Variants in FAM3B observed in about 807,000 individuals in gnomAD.
The protein encoded by FAM3B is FAM3 metabolism regulating signaling molecule B, also known as protein FAM3B.
FAM3B carries 29 observed loss-of-function variants against 28.4 expected under a neutral mutation model. The observed-to-expected ratio is 1.02, with a 90% confidence interval of 0.76 to 1.39. The LOEUF (loss-of-function observed/expected upper bound fraction) is 1.39. Ranked by LOEUF, FAM3B falls within the 40% of genes most tolerant of loss-of-function variation. FAM3B has a pLI of 0.00. For missense variants in FAM3B, 266 were observed against 293.9 expected, an observed-to-expected ratio of 0.91 and a Z score of 0.69; for synonymous variants, 91 against 103.0, an observed-to-expected ratio of 0.88 and a Z score of 0.71.
chr21:41,314,015 A>AAAAAC (rs1361683356), upstream of FAM3B, among the ~76,000 whole-genome samples: 2 of 152,364 alleles, frequency 1.3e-5, no homozygotes, highest in Admixed American at 1.3e-4. Flanking sequence ...AAACAAAAAC[A>AAAAAC]AAAACATTCA....
At chr21:41,309,724 C>G (rs2123683788) in intron 1 of FAM3B, among the ~76,000 whole-genome samples, 1 of 152,342 alleles carries the variant, frequency 6.6e-6, no homozygotes, top group African/African-American at 2.4e-5. Context: ...GCAGAACCAA[C>G]AAGACCAGTT....
At chr21:41,352,483 A>G (rs1415314592) in intron 7 of FAM3B, among the ~76,000 whole-genome samples, 1 of 152,106 alleles carries the variant, frequency 6.6e-6, no homozygotes, top group African/African-American at 2.4e-5. Context: ...GGGAAGGTGC[A>G]TTATCACATT....
chr21:41,311,288 ATATATATATG>A (rs2088712605), intron 1 of FAM3B, among the ~76,000 whole-genome samples: 1 of 103,702 alleles, frequency 9.6e-6, no homozygotes, highest in Admixed American at 1.0e-4. Flanking sequence ...ATATATATAT[ATATATATATG>A]TATATATACA....
chr21:41,313,800 T>TTTGTTG (rs71332324), upstream of FAM3B, among the ~76,000 whole-genome samples: 306 of 151,148 alleles, frequency 2.0e-3, no homozygotes, highest in African/African-American at 7.2e-3. Context: ...GTGGGGCATT[T>TTTGTTG]TTGTTGTTGT....
At chr21:41,324,634 A>G (rs1352838650) in intron 2 of FAM3B, among the ~76,000 whole-genome samples, 1 of 152,214 alleles carries the variant, frequency 6.6e-6, no homozygotes, top group African/African-American at 2.4e-5. Context: ...TTAATTCAGC[A>G]GGTATATTTA....
At chr21:41,352,519 G>A (rs1386973847) in intron 7 of FAM3B, among the ~76,000 whole-genome samples, 1 of 152,134 alleles carries the variant, frequency 6.6e-6, no homozygotes, top group Admixed American at 6.6e-5. Context: ...CTTAGGCCAG[G>A]CGCAGTGGCT....
intron 1 of FAM3B, among the ~76,000 whole-genome samples, chr21:41,322,196 C>G (rs73226113): frequency 4.6e-5 from 7 of 152,084 alleles, no homozygotes; most frequent in African/African-American, 9.6e-5. Context: ...AGCCACCCCC[C>G]AGGCCTCTGG....
chr21:41,310,327 G>C (rs1184359689), intron 1 of FAM3B, among the ~76,000 whole-genome samples: 1 of 152,050 alleles, frequency 6.6e-6, no homozygotes, highest in Non-Finnish European at 1.5e-5. Flanking sequence ...TGGGGTCACT[G>C]TCTGTCCTCT....
chr21:41,308,909 T>C (rs1466180946), intron 1 of FAM3B, among the ~76,000 whole-genome samples: 1 of 152,152 alleles, frequency 6.6e-6, no homozygotes, highest in African/African-American at 2.4e-5. Context: ...TCACACAGAC[T>C]CTGGGAGGTC....
intron 1 of FAM3B, among the ~76,000 whole-genome samples, chr21:41,305,241 G>A (rs924230996): frequency 5.3e-5 from 8 of 152,088 alleles, no homozygotes; most frequent in African/African-American, 1.9e-4. Context: ...AGTGGGGTTG[G>A]TGCGGGTTCC....
intron 2 of FAM3B, among the ~76,000 whole-genome samples, chr21:41,334,905 T>G (rs2088940190): frequency 6.6e-6 from 1 of 152,222 alleles, no homozygotes; most frequent in Non-Finnish European, 1.5e-5. Flanking sequence ...CCCAAGGCCT[T>G]GAGAGTCCAC....
chr21:41,337,346 G>T (rs2088964494), intron 2 of FAM3B, among the ~76,000 whole-genome samples: 1 of 152,234 alleles, frequency 6.6e-6, no homozygotes, highest in Non-Finnish European at 1.5e-5. Context: ...ATCTGAGTGG[G>T]ATCAGTAGTG....
intron 1 of FAM3B, among the ~76,000 whole-genome samples, chr21:41,311,247 AAAAAATATATATATAT>A (rs2088709524): frequency 4.7e-5 from 3 of 63,448 alleles, no homozygotes; most frequent in South Asian, 6.1e-4. Flanking sequence ...AAAAAAAAAA[AAAAAATATATATATAT>A]ATATATATAT....
At chr21:41,340,668 A>G (rs990575053) in intron 3 of FAM3B, among the ~76,000 whole-genome samples, 22 of 152,280 alleles carry the variant, frequency 1.4e-4, no homozygotes, top group African/African-American at 4.8e-4. Flanking sequence ...CATTGAATTA[A>G]TTTCCATTTG....
intron 1 of FAM3B, 120 bp downstream of exon 1, chr21:41,317,018 C>A: frequency 1.1e-6 from 1 of 922,192 alleles, no homozygotes; most frequent in South Asian, 4.5e-5. Flanking sequence ...AGGGCTGGTT[C>A]TTGGCGCCGA....
At chr21:41,345,982 G>C in intron 5 of FAM3B, 1 of 342,556 alleles carries the variant, frequency 2.9e-6, no homozygotes, top group Non-Finnish European at 5.3e-6. Flanking sequence ...TCTCTTTTTA[G>C]CTCTCATGAT....
At chr21:41,340,408 TC>T (rs1435769338) in intron 3 of FAM3B, among the ~76,000 whole-genome samples, 3 of 152,114 alleles carry the variant, frequency 2.0e-5, no homozygotes, top group African/African-American at 7.2e-5. Flanking sequence ...TGCCTCAGGC[TC>T]CCAAAGTGCT....
intron 6 of FAM3B, among the ~76,000 whole-genome samples, chr21:41,347,948 G>GA (rs2089079817): frequency 6.6e-6 from 1 of 152,094 alleles, no homozygotes; most frequent in Admixed American, 6.6e-5. Flanking sequence ...CAGGGCTACT[G>GA]ACCACAGCAT....
intron 7 of FAM3B, among the ~76,000 whole-genome samples, chr21:41,351,055 T>C (rs1470611920): frequency 3.3e-5 from 5 of 152,198 alleles, no homozygotes; most frequent in Non-Finnish European, 5.9e-5. Flanking sequence ...TTTATGAGAG[T>C]GTCCAGACTG....
Sources: allele counts gnomAD v4.1 joint callset (sites outside exome capture counted in the v4.1 genomes callset), GRCh38; gene constraint gnomAD v4.1.1; transcripts MANE v1.5; gene names NCBI Gene and HGNC (gene_info 2026-07-23, HGNC 2026-07-21).